Variants in EML2 observed in about 807,000 individuals in gnomAD.
The protein encoded by EML2 is echinoderm microtubule-associated protein-like 2.
A neutral mutation model predicts 84.7 loss-of-function variants in EML2; 59 were observed. The ratio of observed to expected loss-of-function variants is 0.70; its 90% confidence interval spans 0.56 to 0.86. EML2 has a LOEUF of 0.86. Ranked by LOEUF, EML2 falls within the 40% of genes least tolerant of loss-of-function variation. The probability of loss-of-function intolerance (pLI) is 0.00; values close to 1 mark genes in which losing one functional copy is unlikely to be tolerated. For synonymous variants in EML2, 352 were observed against 348.9 expected (o/e 1.01, Z -0.10); for missense variants, 818 against 855.6 (o/e 0.96, Z 0.55).
At chr19:45,626,684 C>G in intron 8 of EML2, 21 bp downstream of exon 8, 2 of 1,600,020 alleles carry the variant, frequency 1.2e-6, no homozygotes, top group Non-Finnish European at 1.7e-6. Context: ...CCAGCCTGTC[C>G]CCCAAACCCC....
intron 16 of EML2, among the ~76,000 whole-genome samples, 162 bp downstream of exon 16, chr19:45,615,640 C>A (rs1031688816): frequency 1.3e-5 from 2 of 151,852 alleles, no homozygotes; most frequent in Admixed American, 1.3e-4. Flanking sequence ...GTGGGGTATA[C>A]CAGGGAGAAA....
At chr19:45,619,319 C>G (rs1971437780) in intron 11 of EML2, 128 bp from the exon 12 acceptor site, 1 of 1,267,212 alleles carries the variant, frequency 7.9e-7, no homozygotes, top group Non-Finnish European at 1.1e-6. Context: ...CAGGGAAGAC[C>G]TTTCCCAGTA....
chr19:45,619,366 T>A (rs1971443820), intron 11 of EML2, 175 bp from the exon 12 acceptor site: 2 of 715,456 alleles, frequency 2.8e-6, no homozygotes, highest in Non-Finnish European at 4.2e-6. Context: ...TCTGAACCCA[T>A]GCCCTGGTGT....
chr19:45,632,526 T>G (rs1600184345), intron 6 of EML2: 1 of 238,000 alleles, frequency 4.2e-6, no homozygotes, highest in Non-Finnish European at 8.3e-6. Flanking sequence ...CACACTTGGA[T>G]GTTGTGGTGT....
intron 15 of EML2, chr19:45,616,102 G>A: frequency 1.7e-6 from 1 of 587,840 alleles, no homozygotes; most frequent in South Asian, 2.0e-5. Flanking sequence ...TAGACAAAAA[G>A]CACTTAGAAC....
chr19:45,625,956 G>T (rs1034067573), intron 8 of EML2, among the ~76,000 whole-genome samples: 2 of 151,866 alleles, frequency 1.3e-5, no homozygotes, highest in African/African-American at 4.8e-5. Context: ...ATGGCTCATT[G>T]CAGTCAACCT....
intron 1 of EML2, 104 bp downstream of exon 1, chr19:45,639,253 C>T (rs1452371216): frequency 3.5e-6 from 4 of 1,132,118 alleles, no homozygotes; most frequent in Non-Finnish European, 2.4e-6. Flanking sequence ...AGGGAAGGGG[C>T]GTGTCCCCAC....
At chr19:45,623,031 A>C (rs868578784) in intron 9 of EML2, among the ~76,000 whole-genome samples, 1 of 143,710 alleles carries the variant, frequency 7.0e-6, no homozygotes, top group Non-Finnish European at 1.5e-5. Flanking sequence ...TGGGCGACAG[A>C]GCGAGACTCC....
At position 45,626,840 on chromosome 19, in the gene EML2, C is replaced by CT; in HGVS notation, c.607-2dup. On this transcript the variant is annotated splice_acceptor_variant, in intron 7 of 18. Coordinates refer to ENST00000245925, the MANE Select transcript of EML2 (RefSeq NM_012155.4). LOFTEE classifies it high-confidence loss of function. ...CCACCAATACAGCCTCATTGGAGCA[C>CT]TTTGGGGGGTGGGGGAGATTCTGAA... 1.2e-6 allele frequency: 2 copies of CT among 1,609,666 alleles called. No homozygotes were observed. The highest frequency in any genetic ancestry group is 1.7e-6 in the Non-Finnish European group (2 of 1,177,690).
chr19:45,621,655 G>T lies in EML2; in HGVS notation c.842-18C>A, dbSNP rs1392260352. 5.6e-6 allele frequency: 9 copies of T among 1,602,670 alleles called. No homozygotes were observed. The African/African-American group carries it at 6.7e-5, about 12-fold the overall frequency. ...GTTCCCACCTGCAGGGTGGCCAGGGGCAGGGTCAACAGGGAGAAGCCACCC... is the reference window on the plus strand; with the variant it reads ...GTTCCCACCTGCAGGGTGGCCAGGGTCAGGGTCAACAGGGAGAAGCCACCC... On this transcript the variant is annotated intron_variant, in intron 9 of 18. Transcript: ENST00000245925.
chr19:45,629,456 C>T (rs1972763740), intron 7 of EML2, among the ~76,000 whole-genome samples: 1 of 152,090 alleles, frequency 6.6e-6, no homozygotes, highest in African/African-American at 2.4e-5. Flanking sequence ...TCCCGAGTAG[C>T]TGGGATTACA....
intron 18 of EML2, among the ~76,000 whole-genome samples, chr19:45,611,299 TA>T (rs1405801122): frequency 6.6e-6 from 1 of 151,486 alleles, no homozygotes; most frequent in Admixed American, 6.6e-5. Flanking sequence ...TAATCCCAGC[TA>T]CTCAGGAGGC....
chr19:45,617,611 A>G lies in EML2; in HGVS notation c.1322+19T>C. The stretch of plus-strand genomic sequence containing the variant: ...CAGGGAGCAGAGAAGGCCTCCCGAA[A>G]TGCTCTCCTCAGCTTTACCTGCCAG... On this transcript the variant is annotated intron_variant, in intron 13 of 18. Coordinates refer to ENST00000245925, the MANE Select transcript of EML2 (RefSeq NM_012155.4). 1 of 1,610,140 alleles carries G rather than the reference A, an allele frequency of 6.2e-7. No individual in the cohort carries two copies. Among genetic ancestry groups the G allele is most frequent in the Non-Finnish European group, 8.5e-7 (1 of 1,178,024 alleles).
At chr19:45,619,236 C>G in intron 11 of EML2, 45 bp from the exon 12 acceptor site, 1 of 1,576,294 alleles carries the variant, frequency 6.3e-7, no homozygotes, top group Non-Finnish European at 8.6e-7. Context: ...CAGCCCTGGC[C>G]TTTTCCCACT....
At chr19:45,641,658 A>G (rs1974519787), upstream of EML2, 1 of 1,536,016 alleles carries the variant, frequency 6.5e-7, no homozygotes, top group Non-Finnish European at 8.7e-7. Flanking sequence ...TTTTGGCGCT[A>G]CAGTTGCTGC....
intron 7 of EML2, among the ~76,000 whole-genome samples, chr19:45,627,055 G>A (rs1972439724): frequency 6.6e-6 from 1 of 151,760 alleles, no homozygotes; most frequent in Non-Finnish European, 1.5e-5. Context: ...CGCCTCCTGG[G>A]TTCAAGCGAT....
chr19:45,625,197 C>G (rs1972161443), intron 8 of EML2, among the ~76,000 whole-genome samples: 1 of 152,184 alleles, frequency 6.6e-6, no homozygotes, highest in Admixed American at 6.6e-5. Flanking sequence ...TCCCAAGCAG[C>G]TGGGATTACA....
upstream of EML2, chr19:45,642,088 A>G (rs548567612): frequency 1.1e-5 from 16 of 1,456,460 alleles, no homozygotes; most frequent in Admixed American, 3.9e-4. Context: ...TATAAGGACC[A>G]GGCCCCGGTC....
upstream of EML2, chr19:45,645,060 C>G (rs981476800): frequency 9.7e-6 from 6 of 616,254 alleles, no homozygotes; most frequent in East Asian, 2.8e-5. Context: ...CTAGCCACCT[C>G]GGGAGTACAG....
Sources: allele counts gnomAD v4.1 joint callset (sites outside exome capture counted in the v4.1 genomes callset), GRCh38; gene constraint gnomAD v4.1.1; transcripts MANE v1.5; gene names NCBI Gene and HGNC (gene_info 2026-07-23, HGNC 2026-07-21).